MGAT4C: variants seen among roughly 807,000 people sequenced by gnomAD.
The protein encoded by MGAT4C is MGAT4 family member C.
Under a neutral mutation model 40.1 loss-of-function variants are expected in MGAT4C, and 19 were observed. That is an observed-to-expected ratio of 0.47 (90% CI 0.33 to 0.70). MGAT4C has a LOEUF of 0.70. Among genes scored for constraint, MGAT4C ranks in the 30% least tolerant of loss-of-function variants. MGAT4C has a pLI of 0.02. For missense variants in MGAT4C, 491 were observed against 563.2 expected, an observed-to-expected ratio of 0.87 and a Z score of 1.30; for synonymous variants, 181 against 187.1, an observed-to-expected ratio of 0.97 and a Z score of 0.27.
intron 1 of MGAT4C, among the ~76,000 whole-genome samples, chr12:86,113,803 G>C (rs1156319366): frequency 6.6e-6 from 1 of 151,808 alleles, no homozygotes; most frequent in Admixed American, 6.6e-5. Flanking sequence ...AAGAAACTGA[G>C]ATGCATGCAG....
chr12:86,489,922 G>T (rs1414026575), intron 2 of MGAT4C, among the ~76,000 whole-genome samples: 1 of 152,182 alleles, frequency 6.6e-6, no homozygotes, highest in Non-Finnish European at 1.5e-5. Context: ...ATGGGACTAT[G>T]TGAAAAGACC....
chr12:86,291,506 C>G (rs753638670), intron 4 of MGAT4C, among the ~76,000 whole-genome samples: 7 of 152,068 alleles, frequency 4.6e-5, no homozygotes, highest in Admixed American at 1.3e-4. Context: ...GGAAGTGGGT[C>G]CTCACAATAT....
intron 1 of MGAT4C, among the ~76,000 whole-genome samples, chr12:86,765,899 G>A (rs1951497170): frequency 6.6e-6 from 1 of 152,198 alleles, no homozygotes; most frequent in Non-Finnish European, 1.5e-5. Flanking sequence ...ACTGGTACCA[G>A]CTGCTGCAAA....
At chr12:86,410,798 G>A (rs11103950) in intron 3 of MGAT4C, among the ~76,000 whole-genome samples, 5,113 of 152,262 alleles carry the variant, frequency 0.034, 130 homozygotes, top group Non-Finnish European at 0.047. Flanking sequence ...AATTATAAAA[G>A]TATTAATTTT....
chr12:86,399,593 A>T (rs1463574475), intron 3 of MGAT4C, among the ~76,000 whole-genome samples: 1 of 152,044 alleles, frequency 6.6e-6, no homozygotes, highest in Non-Finnish European at 1.5e-5. Context: ...GTCCAGTTAC[A>T]TTTCTACACG....
intron 2 of MGAT4C, among the ~76,000 whole-genome samples, chr12:86,539,730 G>C (rs1258567856): frequency 3.3e-5 from 5 of 152,154 alleles, no homozygotes; most frequent in Admixed American, 2.0e-4. Flanking sequence ...GTGTGAGATG[G>C]TATCTCATTG....
chr12:86,624,452 TGAGA>T (rs1266562088), intron 2 of MGAT4C, among the ~76,000 whole-genome samples: 2 of 152,144 alleles, frequency 1.3e-5, no homozygotes, highest in East Asian at 3.9e-4. Context: ...TAACAGAGAA[TGAGA>T]GACTTATTGG....
chr12:86,704,605 T>G (rs1950423853), intron 2 of MGAT4C, among the ~76,000 whole-genome samples: 1 of 152,110 alleles, frequency 6.6e-6, no homozygotes, highest in African/African-American at 2.4e-5. Flanking sequence ...GAAGCACCTA[T>G]TATTTACACA....
intron 4 of MGAT4C, among the ~76,000 whole-genome samples, chr12:86,327,561 T>C (rs1008886253): frequency 3.9e-5 from 6 of 151,996 alleles, no homozygotes; most frequent in Non-Finnish European, 5.9e-5. Flanking sequence ...TGTAGTGGAA[T>C]TGAAATTATA....
chr12:86,090,883 A>G (rs147005399), intron 1 of MGAT4C, among the ~76,000 whole-genome samples: 2 of 152,064 alleles, frequency 1.3e-5, no homozygotes, highest in Admixed American at 6.6e-5. Context: ...TATATTTTTA[A>G]AAATCCTGAC....
chr12:86,069,811 C>T (rs909695545), intron 1 of MGAT4C, among the ~76,000 whole-genome samples: 1 of 151,938 alleles, frequency 6.6e-6, no homozygotes. Flanking sequence ...TTCTTTTACT[C>T]GGGCAATGTT....
At position 86,251,541 on chromosome 12, in the gene MGAT4C, T is replaced by C. The variant is rs184333541; in HGVS notation, c.-57+4698A>G. Among the ~76,000 whole-genome samples the C allele has an allele frequency of 6.3e-4, 96 of 152,192 alleles. No individual in the cohort carries two copies. In the South Asian group the frequency reaches 8.7e-3, roughly 14 times the overall value. Reference sequence around the variant, plus strand: ...GAAAAAGTGTTTTCTAGCATGATCATAGCCTCTTCTGTACTTCAAATGGAG... The same window carrying C: ...GAAAAAGTGTTTTCTAGCATGATCACAGCCTCTTCTGTACTTCAAATGGAG... On this transcript the variant is annotated intron_variant, in intron 1 of 4. Coordinates refer to ENST00000611864, the MANE Select transcript of MGAT4C (RefSeq NM_001351288.2).
intron 2 of MGAT4C, among the ~76,000 whole-genome samples, chr12:86,461,114 ATAGG>A (rs1957591910): frequency 6.6e-6 from 1 of 152,138 alleles, no homozygotes; most frequent in South Asian, 2.1e-4. Flanking sequence ...TATCATGGGA[ATAGG>A]TATAGATTTG....
At chr12:86,815,681 A>C (rs1593234082) in intron 1 of MGAT4C, among the ~76,000 whole-genome samples, 1 of 151,574 alleles carries the variant, frequency 6.6e-6, no homozygotes, top group East Asian at 1.9e-4. Context: ...TGCAGCCATA[A>C]AAAGGAATGA....
At chr12:86,774,353 C>CTTTT (rs1565981803) in intron 1 of MGAT4C, among the ~76,000 whole-genome samples, 1 of 18,088 alleles carries the variant, frequency 5.5e-5, no homozygotes, top group African/African-American at 2.1e-4. Context: ...CTCTCTCTCT[C>CTTTT]CCCTCTCTCT....
chr12:86,632,306 G>T (rs187442737), intron 2 of MGAT4C, among the ~76,000 whole-genome samples: 1,538 of 152,130 alleles, frequency 0.01, 12 homozygotes, highest in Non-Finnish European at 0.016. Flanking sequence ...ACACTGTTGG[G>T]GGGACTGTAA....
At chr12:86,671,643 G>A (rs1242850458) in intron 2 of MGAT4C, among the ~76,000 whole-genome samples, 1 of 152,132 alleles carries the variant, frequency 6.6e-6, no homozygotes, top group Admixed American at 6.5e-5. Context: ...AAAAGAGCAG[G>A]AGTAGCTATA....
chr12:86,224,292 C>T (rs935177086), intron 1 of MGAT4C, among the ~76,000 whole-genome samples: 3 of 152,100 alleles, frequency 2.0e-5, no homozygotes, highest in Non-Finnish European at 2.9e-5. Flanking sequence ...CTGGAGTACC[C>T]AGATTTATAA....
At position 86,280,421 on chromosome 12, in the gene MGAT4C, T is replaced by C. The variant is rs191608607; in HGVS notation, c.-57+53644A>G. 7.2e-3 allele frequency among the ~76,000 whole-genome samples: 1,088 copies of C among 152,068 alleles called. 4 individuals carry two copies. Among genetic ancestry groups the C allele is most frequent in the Middle Eastern group, 0.027 (8 of 294 alleles). ...TTTATTTTAACTAAATTTATATTAT[T>C]AAAAGGTAACTATTTGAAAAATATA... On this transcript the variant is annotated intron_variant, in intron 4 of 7. Transcript: ENST00000548651.
Sources: allele counts gnomAD v4.1 joint callset (sites outside exome capture counted in the v4.1 genomes callset), GRCh38; gene constraint gnomAD v4.1.1; transcripts MANE v1.5; gene names NCBI Gene and HGNC (gene_info 2026-07-23, HGNC 2026-07-21).